MID1: variants seen among roughly 807,000 people sequenced by gnomAD.
MID1 encodes midline 1.
MID1 carries 7 observed loss-of-function variants against 40.4 expected under a neutral mutation model. The ratio of observed to expected loss-of-function variants is 0.17; its 90% confidence interval spans 0.10 to 0.33. MID1 has a LOEUF of 0.33. Among genes scored for constraint, MID1 ranks in the 10% least tolerant of loss-of-function variants. The pLI, the probability that MID1 is intolerant of heterozygous loss-of-function variation, is 1.00. For missense variants in MID1, 367 were observed against 558.5 expected (o/e 0.66, Z 3.46); for synonymous variants, 229 against 221.2 (o/e 1.04, Z -0.31).
chrX:10,823,561 A>T (rs2044193069), intron 1 of MID1, among the ~76,000 whole-genome samples: 1 of 111,728 alleles, frequency 9.0e-6, no homozygotes, highest in African/African-American at 3.3e-5. Context: ...AAAAATAATT[A>T]AAGCTTACCC....
At chrX:10,786,604 G>T (rs1299225670) in intron 1 of MID1, among the ~76,000 whole-genome samples, 2 of 111,025 alleles carry the variant, frequency 1.8e-5, no homozygotes, top group African/African-American at 6.6e-5. Context: ...TGAAAAAAAT[G>T]TGGCCCATAT....
intron 1 of MID1, among the ~76,000 whole-genome samples, chrX:10,765,253 T>C (rs772371922): frequency 1.3e-4 from 15 of 112,238 alleles, no homozygotes; most frequent in Non-Finnish European, 1.9e-4. Context: ...TAGCTCAAGA[T>C]GAATTTTTTC....
chrX:10,671,253 G>T (rs1436874846), intron 1 of MID1, among the ~76,000 whole-genome samples: 1 of 111,980 alleles, frequency 8.9e-6, no homozygotes, highest in African/African-American at 3.2e-5. Flanking sequence ...AGGCAGTAGA[G>T]TGTAAGAATT....
At chrX:10,726,800 G>A (rs1362452687) in intron 1 of MID1, among the ~76,000 whole-genome samples, 1 of 112,502 alleles carries the variant, frequency 8.9e-6, no homozygotes, top group Non-Finnish European at 1.9e-5. Context: ...CACATTTTTG[G>A]TGGCCAAACT....
chrX:10,526,998 A>T (rs1381144268), intron 2 of MID1, among the ~76,000 whole-genome samples: 1 of 111,138 alleles, frequency 9.0e-6, no homozygotes, highest in Non-Finnish European at 1.9e-5. Flanking sequence ...TTCTCTGAAG[A>T]TTTTCTGGAA....
At chrX:10,592,342 T>C (rs1300803926) in intron 1 of MID1, among the ~76,000 whole-genome samples, 1 of 106,070 alleles carries the variant, frequency 9.4e-6, no homozygotes, top group African/African-American at 3.4e-5. Flanking sequence ...GGGGTTTTTT[T>C]CTCCTCCTCA....
chrX:10,678,128 A>G (rs2043035173), intron 1 of MID1, among the ~76,000 whole-genome samples: 1 of 111,438 alleles, frequency 9.0e-6, no homozygotes, highest in Non-Finnish European at 1.9e-5. Flanking sequence ...CAATGATACT[A>G]ATATCTTTGT....
intron 7 of MID1, among the ~76,000 whole-genome samples, chrX:10,467,663 A>G (rs958914919): frequency 8.9e-6 from 1 of 111,735 alleles, no homozygotes; most frequent in African/African-American, 3.3e-5. Flanking sequence ...CTCTGATTAC[A>G]TTACTGTCCT....
intron 1 of MID1, among the ~76,000 whole-genome samples, chrX:10,617,328 T>A (rs1013175574): frequency 8.9e-6 from 1 of 111,998 alleles, no homozygotes; most frequent in Non-Finnish European, 1.9e-5. Context: ...GACTTTCTAA[T>A]CCTCAGAGGA....
At chrX:10,572,905 G>C (rs2147479355) in intron 1 of MID1, among the ~76,000 whole-genome samples, 1 of 111,617 alleles carries the variant, frequency 9.0e-6, no homozygotes, top group Non-Finnish European at 1.9e-5. Flanking sequence ...AGCTGGACAG[G>C]TGACGGGATA....
chrX:10,484,642 A>C (rs182233308), intron 4 of MID1, among the ~76,000 whole-genome samples: 3 of 112,526 alleles, frequency 2.7e-5, no homozygotes, highest in East Asian at 2.8e-4. Context: ...TGAGCTTTGC[A>C]AACCTAGTGT....
intron 5 of MID1, among the ~76,000 whole-genome samples, chrX:10,480,713 A>C (rs909055458): frequency 8.9e-6 from 1 of 111,994 alleles, no homozygotes; most frequent in Non-Finnish European, 1.9e-5. Context: ...AGAGCATCTT[A>C]AGTACATAAC....
intron 3 of MID1, among the ~76,000 whole-genome samples, chrX:10,502,191 G>C (rs1190156390): frequency 9.0e-6 from 1 of 111,482 alleles, no homozygotes; most frequent in Non-Finnish European, 1.9e-5. Context: ...TGGAGCATGA[G>C]TGAAGGAAAA....
intron 1 of MID1, among the ~76,000 whole-genome samples, chrX:10,751,530 C>T (rs2043598601): frequency 9.1e-6 from 1 of 110,437 alleles, no homozygotes; most frequent in African/African-American, 3.3e-5. Context: ...ACTCAGGAGG[C>T]TGACATGGGA....
At chrX:10,829,629 A>C (rs1348413179) in intron 1 of MID1, among the ~76,000 whole-genome samples, 1 of 112,179 alleles carries the variant, frequency 8.9e-6, no homozygotes, top group Non-Finnish European at 1.9e-5. Flanking sequence ...CAAGCAATTA[A>C]TTTAAAAACG....
intron 1 of MID1, among the ~76,000 whole-genome samples, chrX:10,589,132 A>T (rs1239087850): frequency 1.8e-5 from 2 of 112,035 alleles, no homozygotes; most frequent in Non-Finnish European, 3.8e-5. Flanking sequence ...AACCAGAATC[A>T]AAACCAAAAT....
intron 3 of MID1, chrX:10,506,060 T>C: frequency 1.3e-6 from 1 of 780,114 alleles, no homozygotes; most frequent in Non-Finnish European, 1.5e-6. Context: ...TCTGCCTTCA[T>C]GACGCACCCA....
intron 1 of MID1, among the ~76,000 whole-genome samples, chrX:10,577,896 G>GA (rs1934915878): frequency 9.2e-6 from 1 of 108,114 alleles, no homozygotes; most frequent in Non-Finnish European, 1.9e-5. Flanking sequence ...TGCAAGACAA[G>GA]AAACTGCAAG....
intron 1 of MID1, among the ~76,000 whole-genome samples, chrX:10,786,829 AGG>A (rs2043888576): frequency 3.3e-5 from 1 of 29,996 alleles, no homozygotes; most frequent in Non-Finnish European, 5.7e-5. Context: ...GGGTGGGGGG[AGG>A]GGGGAGGGAT....
Sources: allele counts gnomAD v4.1 joint callset (sites outside exome capture counted in the v4.1 genomes callset), GRCh38; gene constraint gnomAD v4.1.1; transcripts MANE v1.5; gene names NCBI Gene and HGNC (gene_info 2026-07-23, HGNC 2026-07-21).